Variants in TRPC4 observed in about 807,000 individuals in gnomAD.
The protein encoded by TRPC4 is transient receptor potential cation channel subfamily C member 4, also known as short transient receptor potential channel 4.
A neutral mutation model predicts 99.4 loss-of-function variants in TRPC4; 49 were observed. The observed-to-expected ratio is 0.49, with a 90% CI of 0.39 to 0.63. The LOEUF (loss-of-function observed/expected upper bound fraction) is 0.63, where lower values mean the gene tolerates loss of function less well. TRPC4 is among the 20% of genes least tolerant of loss of function. TRPC4 has a pLI of 0.00. For missense variants in TRPC4, 898 were observed against 1,152.9 expected (o/e 0.78, Z 3.20); for synonymous variants, 454 against 425.9 (o/e 1.07, Z -0.81).
chr13:37,772,579 A>G (rs1313755980), intron 2 of TRPC4, among the ~76,000 whole-genome samples: 1 of 151,832 alleles, frequency 6.6e-6, no homozygotes, highest in Non-Finnish European at 1.5e-5. Flanking sequence ...AGTGGAGGAA[A>G]GTAAAACATA....
At position 37,635,761 on chromosome 13, in the gene TRPC4, CTAAAT is replaced by C. The variant is rs770303833; in HGVS notation, c.*1137_*1141del. Among the ~76,000 whole-genome samples the C allele has an allele frequency of 6.6e-6, 1 of 152,014 alleles. No individual in the cohort carries two copies. Among genetic ancestry groups the C allele is most frequent in the Non-Finnish European group, 1.5e-5 (1 of 67,918 alleles). On this transcript the variant is annotated 3_prime_UTR_variant, in exon 11 of 11. Coordinates refer to ENST00000379705, the MANE Select transcript of TRPC4 (RefSeq NM_016179.4). Reference sequence around the variant, plus strand: ...TAATAGTTCAGTGAATTGTTATAAGCTAAATTACCTTGCAAACAATAGAAAGAAAA... The same window carrying C: ...TAATAGTTCAGTGAATTGTTATAAGCTACCTTGCAAACAATAGAAAGAAAA...
chr13:37,674,648 C>T (rs1952983426), intron 4 of TRPC4, among the ~76,000 whole-genome samples: 1 of 152,184 alleles, frequency 6.6e-6, no homozygotes, highest in Admixed American at 6.5e-5. Flanking sequence ...TACTGTAGCT[C>T]CTTTATAACT....
At chr13:37,642,430 C>T (rs1951743332) in intron 8 of TRPC4, among the ~76,000 whole-genome samples, 1 of 152,132 alleles carries the variant, frequency 6.6e-6, no homozygotes, top group Admixed American at 6.6e-5. Flanking sequence ...TCTGATTTGG[C>T]ATCTCATTTG....
intron 3 of TRPC4, among the ~76,000 whole-genome samples, chr13:37,712,389 C>T (rs1368744517): frequency 6.6e-6 from 1 of 152,128 alleles, no homozygotes; most frequent in Non-Finnish European, 1.5e-5. Context: ...ATGGGATGTC[C>T]AGTCACCGAT....
chr13:37,791,583 T>C (rs148660517), intron 1 of TRPC4, among the ~76,000 whole-genome samples: 1,832 of 152,198 alleles, frequency 0.012, 20 homozygotes, highest in Non-Finnish European at 0.019. Flanking sequence ...AATACCATGG[T>C]GAATGAGTAC....
chr13:37,666,409 C>A (rs1207813224), intron 5 of TRPC4, among the ~76,000 whole-genome samples: 1 of 152,008 alleles, frequency 6.6e-6, no homozygotes, highest in East Asian at 1.9e-4. Flanking sequence ...GTTCTCTGAT[C>A]CAAAAAACCT....
intron 2 of TRPC4, among the ~76,000 whole-genome samples, chr13:37,776,219 C>A (rs1363624336): frequency 6.6e-6 from 1 of 151,766 alleles, no homozygotes; most frequent in Non-Finnish European, 1.5e-5. Flanking sequence ...TTTAGACATT[C>A]AAAGTATTTG....
At chr13:37,695,663 G>A (rs1312672761) in intron 3 of TRPC4, among the ~76,000 whole-genome samples, 5 of 152,180 alleles carry the variant, frequency 3.3e-5, no homozygotes, top group African/African-American at 1.2e-4. Flanking sequence ...AAAAGACGCT[G>A]TGAAAACAAT....
At chr13:37,720,057 A>G (rs949714849) in intron 3 of TRPC4, among the ~76,000 whole-genome samples, 1 of 152,224 alleles carries the variant, frequency 6.6e-6, no homozygotes, top group Admixed American at 6.5e-5. Flanking sequence ...ACCTGCTACT[A>G]TTGCTGGCTT....
intron 1 of TRPC4, among the ~76,000 whole-genome samples, chr13:37,866,187 A>AT (rs1959734217): frequency 6.6e-6 from 1 of 151,814 alleles, no homozygotes. Flanking sequence ...ATCAAGGCAT[A>AT]TTTTTAAATT....
chr13:37,657,120 G>A (rs940500633), intron 6 of TRPC4, among the ~76,000 whole-genome samples: 1 of 152,126 alleles, frequency 6.6e-6, no homozygotes, highest in Non-Finnish European at 1.5e-5. Context: ...TTTTAATTGA[G>A]CAACTAATTT....
intron 1 of TRPC4, among the ~76,000 whole-genome samples, chr13:37,865,809 C>T (rs1044953117): frequency 7.9e-5 from 12 of 151,716 alleles, no homozygotes; most frequent in Non-Finnish European, 1.5e-4. Context: ...ATCCTGCCTT[C>T]CCACAAAGCA....
intron 5 of TRPC4, among the ~76,000 whole-genome samples, chr13:37,667,328 A>G (rs1952678229): frequency 6.6e-6 from 1 of 152,116 alleles, no homozygotes; most frequent in Non-Finnish European, 1.5e-5. Context: ...GTTTTTTGAG[A>G]CGTAGTCTTG....
intron 3 of TRPC4, among the ~76,000 whole-genome samples, chr13:37,694,031 G>A (rs897414216): frequency 2.0e-5 from 3 of 152,138 alleles, no homozygotes; most frequent in South Asian, 2.1e-4. Context: ...TATAACTGTA[G>A]AGTATTGATA....
intron 3 of TRPC4, among the ~76,000 whole-genome samples, chr13:37,703,539 T>C (rs1310012511): frequency 6.6e-6 from 1 of 152,012 alleles, no homozygotes; most frequent in Non-Finnish European, 1.5e-5. Context: ...AGAGACAGCA[T>C]CAAAAGATAT....
chr13:37,720,421 G>T (rs1224657328), intron 3 of TRPC4, among the ~76,000 whole-genome samples: 2 of 152,046 alleles, frequency 1.3e-5, no homozygotes, highest in East Asian at 3.9e-4. Context: ...CGTTGTTTTG[G>T]ACATGAGAAA....
intron 3 of TRPC4, among the ~76,000 whole-genome samples, chr13:37,693,925 C>A (rs1953821555): frequency 6.6e-6 from 1 of 152,050 alleles, no homozygotes; most frequent in Admixed American, 6.6e-5. Context: ...TTGTACGGCA[C>A]TTACTTAAGG....
At chr13:37,660,393 A>C (rs9603245) in intron 6 of TRPC4, among the ~76,000 whole-genome samples, 56,520 of 151,894 alleles carry the variant, frequency 0.37, 10,951 homozygotes, top group African/African-American at 0.44. Context: ...GATAATTTTT[A>C]GAGCAGTTTT....
intron 1 of TRPC4, among the ~76,000 whole-genome samples, chr13:37,800,221 C>G (rs1378210704): frequency 6.6e-6 from 1 of 151,956 alleles, no homozygotes; most frequent in Non-Finnish European, 1.5e-5. Context: ...AGAGATAGGT[C>G]TTACTATGTT....
Sources: allele counts gnomAD v4.1 joint callset (sites outside exome capture counted in the v4.1 genomes callset), GRCh38; gene constraint gnomAD v4.1.1; transcripts MANE v1.5; gene names NCBI Gene and HGNC (gene_info 2026-07-23, HGNC 2026-07-21).